PIWIL3: variants seen among roughly 807,000 people sequenced by gnomAD.
PIWIL3 encodes piwi-like protein 3.
A neutral mutation model predicts 109.7 loss-of-function variants in PIWIL3; 101 were observed. The ratio of observed to expected loss-of-function variants is 0.92; its 90% CI spans 0.78 to 1.09. The LOEUF (loss-of-function observed/expected upper bound fraction) is 1.09. PIWIL3 is among the 50% of genes least tolerant of loss of function. The pLI, the probability that PIWIL3 is intolerant of heterozygous loss-of-function variation, is 0.00. For missense variants in PIWIL3, 1,031 were observed against 1,072.6 expected (o/e 0.96, Z 0.54); for synonymous variants, 373 against 376.4 (o/e 0.99, Z 0.10).
chr22:24,723,410 C>T (rs920960339), intron 18 of PIWIL3, among the ~76,000 whole-genome samples, 155 bp from the exon 19 acceptor site: 10 of 152,130 alleles, frequency 6.6e-5, no homozygotes, highest in Non-Finnish European at 1.5e-4. Flanking sequence ...GCTCCATGTG[C>T]CCGGTTGAAG....
intron 12 of PIWIL3, among the ~76,000 whole-genome samples, chr22:24,746,478 C>G (rs927290283): frequency 6.7e-6 from 1 of 148,240 alleles, no homozygotes; most frequent in Non-Finnish European, 1.5e-5. Context: ...AAACTGAAAG[C>G]CTTTTCTCCA....
At chr22:24,732,718 G>C (rs886872087) in intron 14 of PIWIL3, among the ~76,000 whole-genome samples, 6 of 152,180 alleles carry the variant, frequency 3.9e-5, no homozygotes, top group African/African-American at 9.7e-5. Context: ...AGCTACTCGG[G>C]AGGCTGAGGC....
At chr22:24,756,451 GAGAA>G (rs1925035366) in intron 5 of PIWIL3, 36 bp downstream of exon 5, 1 of 1,561,108 alleles carries the variant, frequency 6.4e-7, no homozygotes, top group Non-Finnish European at 8.8e-7. Context: ...GTGAAAACAA[GAGAA>G]AGAACACAGG....
chr22:24,739,884 A>G lies in PIWIL3; in HGVS notation c.1450-3992T>C, dbSNP rs574149742. On this transcript the variant is annotated intron_variant, in intron 12 of 20. Coordinates refer to ENST00000616349, the MANE Select transcript of PIWIL3 (RefSeq NM_001255975.1). ...GCTAACACAGTGAAACCCCATCTCT[A>G]CTAAAAATACAAAAAAATTAGCCGG... Among the ~76,000 whole-genome samples the G allele has an allele frequency of 6.6e-5, 10 of 151,958 alleles. No homozygotes were observed. The East Asian group carries it at 2.0e-3, about 30-fold the overall frequency.
At chr22:24,751,632 TG>T in intron 8 of PIWIL3, 134 bp from the exon 9 acceptor site, 2 of 1,405,608 alleles carry the variant, frequency 1.4e-6, no homozygotes, top group African/African-American at 1.4e-5. Flanking sequence ...ATTCACATAC[TG>T]TACAACTCAC....
chr22:24,765,634 AC>A (rs1217322668), intron 1 of PIWIL3, among the ~76,000 whole-genome samples: 2 of 152,126 alleles, frequency 1.3e-5, no homozygotes, highest in Admixed American at 1.3e-4. Flanking sequence ...AGTGACTGAA[AC>A]CATTTTCCCA....
Position 24,724,891 on chromosome 22 carries a change from T to C in PIWIL3, c.2227A>G (p.Asn743Asp), listed in dbSNP as rs754260848. ...ATTACAATTAATACAACCTACTTGT[T>C]AGGAGAGATGGTTTTTAAGTAGGTC... The part of the protein sequence containing the change: ...MSTYLKTISP[N>D]NFTLAFIVVK... The change falls in exon 18 of 21, where the codon AAC becomes GAC. Residue 743 changes from asparagine (N) to aspartate (D), a missense_variant. Physicochemically the swap from Asn to Asp is conservative, Grantham distance 23. Coordinates refer to ENST00000616349, the MANE Select transcript of PIWIL3 (RefSeq NM_001255975.1). The C allele has an allele frequency of 6.2e-7, 1 of 1,613,446 alleles. No individual in the cohort carries two copies. The highest frequency in any genetic ancestry group is 1.1e-5 in the South Asian group (1 of 90,950).
At chr22:24,749,929 G>C in intron 9 of PIWIL3, 110 bp from the exon 10 acceptor site, 1 of 1,470,598 alleles carries the variant, frequency 6.8e-7, no homozygotes, top group Non-Finnish European at 9.4e-7. Context: ...CCACAGGCGT[G>C]CTGGTGATAT....
Position 24,727,987 on chromosome 22 carries a change from C to G in PIWIL3, c.1972G>C (p.Ala658Pro). 1.2e-6 allele frequency: 2 copies of G among 1,613,788 alleles called. No homozygotes were observed. Among genetic ancestry groups the G allele is most frequent in the Non-Finnish European group, 1.7e-6 (2 of 1,179,934 alleles). ...GCATTGGTACTTGCAACAAATCCTG[C>G]TATTGATTTCTGTCGATTTACGATA... ...HDIVNRQKSI[A>P]GFVASTNAEL... The change falls in exon 16 of 21, where the codon GCA becomes CCA. Residue 658 changes from alanine to proline, a missense_variant. By Grantham distance (27) the Ala-to-Pro change is conservative. Coordinates refer to ENST00000616349, the MANE Select transcript of PIWIL3 (RefSeq NM_001255975.1).
Position 24,762,492 on chromosome 22 carries a change from C to T in PIWIL3, c.8G>A (p.Gly3Asp), listed in dbSNP as rs1309226380. ...GCCTCGGGCGCGAGTCCTTGCCCTA[C>T]CAGGCATTGTGGTCCTGAAGGTGAT... is the stretch of plus-strand genomic sequence containing the variant. MP[G>D]RARTRARGRA... Residue 3 changes from glycine to aspartate, a missense_variant, in exon 2 of 21, where the codon GGT (glycine) becomes GAT (aspartate). By Grantham distance (94) the Gly-to-Asp change is moderately conservative. Coordinates refer to ENST00000616349, the MANE Select transcript of PIWIL3 (RefSeq NM_001255975.1). The T allele has an allele frequency of 6.2e-7, 1 of 1,612,248 alleles. No individual in the cohort carries two copies. Among genetic ancestry groups the T allele is most frequent in the South Asian group, 1.1e-5 (1 of 90,742 alleles).
chr22:24,749,133 A>G, intron 11 of PIWIL3, 112 bp from the exon 12 acceptor site: 1 of 904,776 alleles, frequency 1.1e-6, no homozygotes, highest in East Asian at 2.6e-5. Context: ...TGTCCGCAGC[A>G]TTGAGATGCG....
At chr22:24,741,311 A>G (rs1923993948) in intron 12 of PIWIL3, among the ~76,000 whole-genome samples, 1 of 152,100 alleles carries the variant, frequency 6.6e-6, no homozygotes, top group African/African-American at 2.4e-5. Flanking sequence ...TCAGGAGATC[A>G]AGACCATCCT....
chr22:24,738,533 C>T (rs1923797425), intron 12 of PIWIL3, among the ~76,000 whole-genome samples: 1 of 152,248 alleles, frequency 6.6e-6, no homozygotes, highest in Admixed American at 6.5e-5. Context: ...AACCCAGCTC[C>T]AGGCGGTTCA....
At chr22:24,754,470 T>C (rs888780354) in intron 7 of PIWIL3, among the ~76,000 whole-genome samples, 1 of 151,454 alleles carries the variant, frequency 6.6e-6, no homozygotes, top group Non-Finnish European at 1.5e-5. Context: ...TATACACATA[T>C]ACCAGTGAGT....
At position 24,748,221 on chromosome 22, in the gene PIWIL3, A is replaced by C. The variant is rs1287395361; in HGVS notation, c.1449+686T>G. Among the ~76,000 whole-genome samples, 4 of 152,202 alleles carry C rather than the reference A, an allele frequency of 2.6e-5. No homozygotes were observed. In the South Asian group the frequency reaches 6.2e-4, roughly 24 times the overall value. On this transcript the variant is annotated intron_variant, in intron 12 of 20. Coordinates refer to ENST00000616349, the MANE Select transcript of PIWIL3 (RefSeq NM_001255975.1). ...ATGTTCTCACTTATTTGTGGGATCT[A>C]CAAGATGAAAACAATTGAACTCATG...
intron 12 of PIWIL3, among the ~76,000 whole-genome samples, chr22:24,747,899 G>A (rs1233477755): frequency 6.6e-6 from 1 of 152,046 alleles, no homozygotes; most frequent in Non-Finnish European, 1.5e-5. Flanking sequence ...TAAAAATAGA[G>A]CTAACATATG....
At chr22:24,726,753 A>G (rs1475852) in intron 16 of PIWIL3, among the ~76,000 whole-genome samples, 105,402 of 152,118 alleles carry the variant, frequency 0.69, 36,919 homozygotes, top group East Asian at 0.82. Context: ...GCAAAACAAT[A>G]TTATCATATT....
chr22:24,758,166 C>T (rs142426173), intron 3 of PIWIL3, 127 bp from the exon 4 acceptor site: 12 of 1,143,780 alleles, frequency 1.0e-5, no homozygotes, highest in Middle Eastern at 4.1e-4. Flanking sequence ...AACACATTTC[C>T]GTGATATGTT....
At chr22:24,753,973 G>T in intron 8 of PIWIL3, 41 bp downstream of exon 8, 1 of 1,499,060 alleles carries the variant, frequency 6.7e-7, no homozygotes, top group East Asian at 2.3e-5. Context: ...GGGGAAGGGG[G>T]AGTTAAAGTG....
Sources: gnomAD v4.1 joint callset for allele counts (sites outside exome capture counted in the v4.1 genomes callset) on GRCh38, gnomAD v4.1.1 for gene constraint, MANE v1.5 for transcripts, NCBI Gene and HGNC (gene_info 2026-07-23, HGNC 2026-07-21) for gene names.